Variants in MYCBP2 observed in about 807,000 individuals in gnomAD.
MYCBP2 encodes the protein E3 ubiquitin-protein ligase MYCBP2.
Under a neutral mutation model 525.3 loss-of-function variants are expected in MYCBP2, and 120 were observed. That is an observed-to-expected ratio of 0.23 (90% CI 0.20 to 0.27). MYCBP2 has a LOEUF of 0.27. Among genes scored for constraint, MYCBP2 ranks in the 10% least tolerant of loss-of-function variants. The pLI, the probability that MYCBP2 is intolerant of heterozygous loss-of-function variation, is 1.00. For synonymous variants in MYCBP2, 1,894 were observed against 1,955.8 expected, an observed-to-expected ratio of 0.97 and a Z score of 0.83; for missense variants, 4,149 against 5,657.1, an observed-to-expected ratio of 0.73 and a Z score of 8.55.
At chr13:77,146,121 C>A in intron 48 of MYCBP2, 41 bp downstream of exon 48, 2 of 1,353,992 alleles carry the variant, frequency 1.5e-6, no homozygotes, top group African/African-American at 1.5e-5. Flanking sequence ...AAGCAGCTGA[C>A]AACACATGTT....
chr13:77,230,997 C>A (rs2067052684), intron 18 of MYCBP2, among the ~76,000 whole-genome samples: 1 of 152,144 alleles, frequency 6.6e-6, no homozygotes, highest in Admixed American at 6.5e-5. Flanking sequence ...AATGACAAGA[C>A]AGTGAGTGTA....
Position 77,050,862 on chromosome 13 carries a change from TC to T in MYCBP2, c.13921+134del, listed in dbSNP as rs752617535. On this transcript the variant is annotated intron_variant, in intron 82 of 82. Coordinates refer to ENST00000544440, the MANE Select transcript of MYCBP2 (RefSeq NM_015057.5). Reference sequence around the variant, plus strand: ...CCAGAAAGTCATAAGCTTACAAGGATCAAGGAATTCCTCCTGCTTCTTTAGG... The same window carrying T: ...CCAGAAAGTCATAAGCTTACAAGGATAAGGAATTCCTCCTGCTTCTTTAGG... The T allele has an allele frequency of 1.4e-4, 101 of 733,960 alleles. No homozygotes were observed. The Middle Eastern group carries it at 2.8e-3, about 20-fold the overall frequency. 45.5% of individuals were successfully genotyped at this position (733,960 alleles called of 1,614,324 possible).
At chr13:77,305,678 A>T (rs1005083361) in intron 1 of MYCBP2, among the ~76,000 whole-genome samples, 51 of 151,416 alleles carry the variant, frequency 3.4e-4, no homozygotes, top group African/African-American at 1.1e-3. Flanking sequence ...TTTTATTTTT[A>T]AAAAAAGAGA....
At position 77,157,901 on chromosome 13, in the gene MYCBP2, C is replaced by T. The variant is rs368737966; in HGVS notation, c.6770+36G>A. On this transcript the variant is annotated intron_variant, in intron 45 of 82. Coordinates refer to ENST00000544440, the MANE Select transcript of MYCBP2 (RefSeq NM_015057.5). ...TTTCAGAAATGAAGAAAGATGAAAG[C>T]CCTAAAATAAAGTAAGTAACTTAAA... 4.6e-6 allele frequency: 7 copies of T among 1,533,456 alleles called. No individual in the cohort carries two copies. In the African/African-American group the frequency reaches 8.4e-5, roughly 18 times the overall value. The allele number at this position is 1,533,456 out of a possible 1,614,324, so 95.0% of individuals were successfully genotyped here.
intron 62 of MYCBP2, among the ~76,000 whole-genome samples, chr13:77,086,991 T>G (rs1417633475): frequency 6.6e-6 from 1 of 152,210 alleles, no homozygotes; most frequent in Non-Finnish European, 1.5e-5. Context: ...TTATTCTACA[T>G]TTACATAGAT....
intron 55 of MYCBP2, chr13:77,099,434 T>C (rs747354860): frequency 1.5e-5 from 3 of 194,680 alleles, no homozygotes; most frequent in South Asian, 8.9e-5. Flanking sequence ...AGCAGAGTGA[T>C]ACCTCGCATC....
At chr13:77,303,109 T>A (rs1471094231) in intron 1 of MYCBP2, among the ~76,000 whole-genome samples, 2 of 152,074 alleles carry the variant, frequency 1.3e-5, no homozygotes, top group East Asian at 1.9e-4. Context: ...CCAAGGCAGG[T>A]GGATCATGAG....
At position 77,068,609 on chromosome 13, in the gene MYCBP2, G is replaced by C. The variant is rs1314594942; in HGVS notation, c.12127C>G (p.Leu4043Val). 1 of 1,614,110 alleles carries C rather than the reference G, an allele frequency of 6.2e-7. No individual in the cohort carries two copies. The change falls in exon 70 of 83, where the codon CTC (leucine) becomes GTC (valine). Residue 4043 changes from leucine to valine, a missense_variant. Around this residue, in one of 21 missense-constraint regions of MYCBP2, gnomAD observed 64 missense variants for 131.2 expected, o/e 0.49. Coordinates refer to ENST00000544440, the MANE Select transcript of MYCBP2 (RefSeq NM_015057.5). Reference sequence around the variant, plus strand: ...GAGGCTGTGTGAAGCAGCGAGAAGAGATCCTGAAGCAGGGTTAGCTGTTGA... The same window carrying C: ...GAGGCTGTGTGAAGCAGCGAGAAGACATCCTGAAGCAGGGTTAGCTGTTGA... Reference protein sequence around the residue: ...LAQQLTLLQDLFSLLHTASPR... With the variant: ...LAQQLTLLQDVFSLLHTASPR...
chr13:77,281,794 G>A lies in MYCBP2; in HGVS notation c.595-2883C>T, dbSNP rs566081821. ...ACTTTATTATTTCATGACTAAGTGT[G>A]ATCATAAAAGTTTAGTTACATCACA... is the stretch of plus-strand genomic sequence containing the variant. On this transcript the variant is annotated intron_variant, in intron 3 of 82. Coordinates refer to ENST00000544440, the MANE Select transcript of MYCBP2 (RefSeq NM_015057.5). Among the ~76,000 whole-genome samples the A allele has an allele frequency of 4.5e-4, 69 of 152,190 alleles. 1 individual carries two copies. The highest frequency in any genetic ancestry group is 7.8e-4 in the Non-Finnish European group (53 of 67,990).
In MYCBP2 at chr13:77,288,698, C is replaced by A. The variant is rs1022212927; in HGVS notation, c.379-322G>T. On this transcript the variant is annotated intron_variant, in intron 2 of 82. Coordinates refer to ENST00000544440, the MANE Select transcript of MYCBP2 (RefSeq NM_015057.5). ...TTAGAGTTCTGTATCAAAGGAAATT[C>A]ATTTTACGACTTCCTAAGAGACTCT... Among the ~76,000 whole-genome samples, 15 of 152,166 alleles carry A rather than the reference C, an allele frequency of 9.9e-5. 1 individual carries two copies. The highest frequency in any genetic ancestry group is 2.0e-4 in the Admixed American group (3 of 15,274).
chr13:77,253,414 T>C (rs906988763), intron 14 of MYCBP2, among the ~76,000 whole-genome samples: 1 of 151,946 alleles, frequency 6.6e-6, no homozygotes, highest in Admixed American at 6.6e-5. Flanking sequence ...AGTATCTATA[T>C]ATAATTTAAT....
At chr13:77,239,673 T>G (rs9600841) in intron 17 of MYCBP2, among the ~76,000 whole-genome samples, 13,977 of 152,176 alleles carry the variant, frequency 0.092, 816 homozygotes, top group African/African-American at 0.16. Flanking sequence ...CAGTTTTTTG[T>G]TTCAGTAGAG....
At chr13:77,153,982 T>C (rs2056887596) in intron 46 of MYCBP2, among the ~76,000 whole-genome samples, 1 of 152,224 alleles carries the variant, frequency 6.6e-6, no homozygotes, top group African/African-American at 2.4e-5. Context: ...ATAACACTTG[T>C]TGCTTTTGAA....
Position 77,083,015 on chromosome 13 carries a change from G to T in MYCBP2, c.11036+17C>A, listed in dbSNP as rs774754035. On this transcript the variant is annotated intron_variant, in intron 63 of 82. Transcript: ENST00000544440. ...CTCTTGTCCAATGTACCTAGGATAT[G>T]TGGATACCAAAATTACCTCAGGGCC... 2.5e-6 allele frequency: 4 copies of T among 1,607,948 alleles called. No homozygotes were observed. Among genetic ancestry groups the T allele is most frequent in the East Asian group, 4.5e-5 (2 of 44,782 alleles).
chr13:77,227,462 C>CTA (rs2066434380), intron 18 of MYCBP2, among the ~76,000 whole-genome samples: 1 of 131,034 alleles, frequency 7.6e-6, no homozygotes, highest in African/African-American at 2.9e-5. Context: ...ATGCAAAAGC[C>CTA]TACACACACA....
At chr13:77,197,477 A>T (rs1206778095) in intron 26 of MYCBP2, among the ~76,000 whole-genome samples, 1 of 152,178 alleles carries the variant, frequency 6.6e-6, no homozygotes. Flanking sequence ...AGATATTATG[A>T]CTGATAACTG....
In MYCBP2 at chr13:77,140,840, C is replaced by T. The variant is rs1466826288; in HGVS notation, c.7401+6G>A. 1.2e-6 allele frequency: 2 copies of T among 1,602,668 alleles called. No homozygotes were observed. Among genetic ancestry groups the T allele is most frequent in the Non-Finnish European group, 1.7e-6 (2 of 1,173,848 alleles). Reference sequence around the variant, plus strand: ...GATTCCGGCTCTCAATTCATTCTGCCCTAACCTTATTAGGCTGAGGTTCAG... The same window carrying T: ...GATTCCGGCTCTCAATTCATTCTGCTCTAACCTTATTAGGCTGAGGTTCAG... On this transcript the variant is annotated splice_donor_region_variant and intron_variant, in intron 50 of 82. Transcript: ENST00000544440.
rs747136636 is a variant in MYCBP2 at position 77,326,335 on chromosome 13, C to A, written c.302+139G>T. ...CTATCTCGATAAGTGCTCCTGCCAA[C>A]AGACATCCAGAGCGGACTGAAAGCT... On this transcript the variant is annotated intron_variant, in intron 1 of 82. Transcript: ENST00000544440. The surrounding 1 kb of genome is among the most constrained non-coding windows in gnomAD (Gnocchi z 4.2). The A allele has an allele frequency of 6.6e-5, 55 of 830,384 alleles. No homozygotes were observed. Among genetic ancestry groups the A allele is most frequent in the Non-Finnish European group, 9.2e-5 (52 of 566,724 alleles). The allele number at this position is 830,384 out of a possible 1,614,324, so 51.4% of individuals were successfully genotyped here. A position where few individuals can be genotyped will look rare whatever the true frequency, so the allele number is the denominator to read the frequency against.
chr13:77,194,312 T>TCAG, intron 26 of MYCBP2, 68 bp from the exon 27 acceptor site: 1 of 1,205,070 alleles, frequency 8.3e-7, no homozygotes, highest in Non-Finnish European at 1.2e-6. Context: ...AATGTGTTCA[T>TCAG]AATTTTGTGC....
Sources: allele counts gnomAD v4.1 joint callset (sites outside exome capture counted in the v4.1 genomes callset), GRCh38; gene constraint gnomAD v4.1.1; regional missense constraint gnomAD v4.1.1; non-coding constraint Gnocchi (gnomAD v3.1); transcripts MANE v1.5; gene names NCBI Gene and HGNC (gene_info 2026-07-23, HGNC 2026-07-21).